PAX2: variants seen among roughly 807,000 people sequenced by gnomAD.
The protein encoded by PAX2 is paired box 2, also known as paired box protein Pax-2.
Under a neutral mutation model 41.7 loss-of-function variants are expected in PAX2, and 9 were observed. The ratio of observed to expected loss-of-function variants is 0.22; its 90% CI spans 0.13 to 0.38. The LOEUF (loss-of-function observed/expected upper bound fraction) is 0.38. Ranked by LOEUF, PAX2 falls within the 10% of genes least tolerant of loss-of-function variation. The pLI is 1.00. For synonymous variants in PAX2, 221 were observed against 212.7 expected (o/e 1.04, Z -0.34); for missense variants, 418 against 531.6 (o/e 0.79, Z 2.10).
In PAX2 at chr10:100,748,154, G is replaced by C. The variant is rs1361131377; in HGVS notation, c.44-1592G>C. 4.1e-6 allele frequency: 4 copies of C among 984,986 alleles called. No homozygotes were observed. The highest frequency in any genetic ancestry group is 4.8e-6 in the Non-Finnish European group (4 of 829,808). The allele number at this position is 984,986 out of a possible 1,614,324, so 61.0% of individuals were successfully genotyped here. ...CCTTCCCATCCCCACCCCTTAGACT[G>C]GGGCTGAGGGGCCGGGCCCTGAGCC... On this transcript the variant is annotated intron_variant, in intron 1 of 9. Coordinates refer to ENST00000355243, the MANE Select transcript of PAX2 (RefSeq NM_000278.5). This position sits in a 1 kb window ranked among gnomAD's most constrained non-coding sequence, Gnocchi z 5.0.
At chr10:100,760,071 A>C (rs1459461301) in intron 3 of PAX2, among the ~76,000 whole-genome samples, 1 of 152,124 alleles carries the variant, frequency 6.6e-6, no homozygotes, top group Non-Finnish European at 1.5e-5. Context: ...TGCCTGCCTT[A>C]GTGCGTTTTC....
In PAX2 at chr10:100,815,935, T is replaced by A. The variant is rs564436263; in HGVS notation, c.919+6699T>A. Among the ~76,000 whole-genome samples the A allele has an allele frequency of 2.9e-4, 44 of 152,072 alleles. 1 individual carries two copies. The South Asian group carries it at 7.9e-3, about 27-fold the overall frequency. ...AGAGGGAGGAGCATCGTAGGGAGGG[T>A]GACAAAGGTAGGAAGGGTTTGGGGT... On this transcript the variant is annotated intron_variant, in intron 7 of 9. Transcript: ENST00000355243.
At chr10:100,796,125 A>G (rs527354158) in intron 5 of PAX2, among the ~76,000 whole-genome samples, 2 of 152,328 alleles carry the variant, frequency 1.3e-5, no homozygotes, top group East Asian at 3.9e-4. Context: ...AGTGACTTCT[A>G]TGATCCTAAG....
intron 6 of PAX2, among the ~76,000 whole-genome samples, chr10:100,808,527 C>T (rs1352358717): frequency 6.6e-6 from 1 of 152,118 alleles, no homozygotes; most frequent in Non-Finnish European, 1.5e-5. Context: ...GGCAGGACAC[C>T]CTTTCAGAGT....
rs537996569 is a variant in PAX2, at chr10:100,749,666, C to T, written c.44-80C>T. 26 of 1,546,808 alleles carry T rather than the reference C, an allele frequency of 1.7e-5. No homozygotes were observed. The East Asian group carries it at 5.3e-4, about 31-fold the overall frequency. On this transcript the variant is annotated intron_variant, in intron 1 of 9. Transcript: ENST00000355243. ...TTCCGCCCTGCCTGCTTCCTTCGCC[C>T]GTCCCGGGCCGCGGACCCTGACTAA...
chr10:100,812,827 T>A (rs1848044146), intron 7 of PAX2, among the ~76,000 whole-genome samples: 2 of 152,118 alleles, frequency 1.3e-5, no homozygotes, highest in Admixed American at 1.3e-4. Flanking sequence ...AGAGAGTCCC[T>A]TGACACAGTG....
At chr10:100,793,278 T>C (rs1371345005) in intron 5 of PAX2, among the ~76,000 whole-genome samples, 1 of 152,200 alleles carries the variant, frequency 6.6e-6, no homozygotes, top group Admixed American at 6.5e-5. Flanking sequence ...CAGGACTGCA[T>C]ACCAGTGCTC....
chr10:100,737,244 C>T (rs1440814147), intron 1 of PAX2, among the ~76,000 whole-genome samples: 1 of 152,246 alleles, frequency 6.6e-6, no homozygotes, highest in Non-Finnish European at 1.5e-5. Flanking sequence ...GGCCCCCTCC[C>T]CAGGACCTCG....
intron 5 of PAX2, among the ~76,000 whole-genome samples, chr10:100,793,156 G>C (rs1008955965): frequency 6.6e-6 from 1 of 152,230 alleles, no homozygotes; most frequent in Admixed American, 6.5e-5. Context: ...GCACCAGGCA[G>C]AGGGCCCCAC....
At chr10:100,775,023 G>A (rs1846336523) in intron 3 of PAX2, among the ~76,000 whole-genome samples, 1 of 152,224 alleles carries the variant, frequency 6.6e-6, no homozygotes, top group South Asian at 2.1e-4. Context: ...AAAGAGAAGT[G>A]GGGAGCAGGC....
chr10:100,776,448 G>A (rs906464550), intron 3 of PAX2, among the ~76,000 whole-genome samples: 2 of 152,154 alleles, frequency 1.3e-5, no homozygotes, highest in African/African-American at 4.8e-5. Flanking sequence ...ACTGACTTAG[G>A]TGAAACTGAC....
chr10:100,756,083 T>C (rs1845615340), intron 3 of PAX2, among the ~76,000 whole-genome samples: 1 of 152,192 alleles, frequency 6.6e-6, no homozygotes, highest in African/African-American at 2.4e-5. Flanking sequence ...AGTGTGACTA[T>C]GCATGATGGC....
intron 7 of PAX2, among the ~76,000 whole-genome samples, chr10:100,811,007 G>A (rs1311270594): frequency 6.6e-6 from 1 of 152,170 alleles, no homozygotes. Context: ...ATCTGTATGC[G>A]ACATTTCAAT....
intron 5 of PAX2, among the ~76,000 whole-genome samples, chr10:100,800,273 C>CTTTTT (rs59487758): frequency 1.3e-4 from 14 of 108,400 alleles, no homozygotes; most frequent in Admixed American, 1.9e-4. Context: ...TCTTTTCTTT[C>CTTTTT]TTTTTTTTTT....
At position 100,747,902 on chromosome 10, in the gene PAX2, G is replaced by T. The variant is rs112148079; in HGVS notation, c.43+1599G>T. On this transcript the variant is annotated intron_variant, in intron 1 of 9. Transcript: ENST00000355243. The stretch of plus-strand genomic sequence containing the variant: ...TCTCCTTTTTTGCGGATTCCGCCGG[G>T]GGTCCGCCGAGTCCTGGCTGCCCGC... The T allele has an allele frequency of 7.1e-6, 7 of 983,868 alleles. No homozygotes were observed. In the African/African-American group the frequency reaches 1.2e-4, roughly 17 times the overall value. The allele number at this position is 983,868 out of a possible 1,614,324, so 60.9% of individuals were successfully genotyped here. A position where few individuals can be genotyped will look rare whatever the true frequency, so the allele number is the denominator to read the frequency against.
intron 7 of PAX2, among the ~76,000 whole-genome samples, chr10:100,816,523 G>T (rs1214477420): frequency 1.3e-5 from 2 of 152,248 alleles, no homozygotes; most frequent in East Asian, 3.9e-4. Context: ...GGTATGTATT[G>T]GTACCAAGGG....
intron 5 of PAX2, among the ~76,000 whole-genome samples, chr10:100,789,354 C>T (rs1847008524): frequency 6.6e-6 from 1 of 152,334 alleles, no homozygotes; most frequent in Admixed American, 6.5e-5. Context: ...GATCCACCCA[C>T]CTCAGCCTCC....
chr10:100,806,876 C>T lies in PAX2; in HGVS notation c.792+271C>T, dbSNP rs559467837. On this transcript the variant is annotated intron_variant, in intron 6 of 9. Coordinates refer to ENST00000355243, the MANE Select transcript of PAX2 (RefSeq NM_000278.5). ...CATCTCTGTTCAGAGCCTCGGTTTCCCCATCTATAGAATGAAGGGCTTGGA... is the reference window on the plus strand; with the variant it reads ...CATCTCTGTTCAGAGCCTCGGTTTCTCCATCTATAGAATGAAGGGCTTGGA... 1.3e-3 allele frequency among the ~76,000 whole-genome samples: 198 copies of T among 152,222 alleles called. 1 individual carries two copies. The highest frequency in any genetic ancestry group is 4.6e-3 in the African/African-American group (193 of 41,516).
At chr10:100,737,453 T>C (rs375194933) in intron 1 of PAX2, among the ~76,000 whole-genome samples, 44 of 152,246 alleles carry the variant, frequency 2.9e-4, no homozygotes, top group African/African-American at 9.4e-4. Context: ...GCGGCCCGAC[T>C]CCGCACCGCA....
Sources: allele counts gnomAD v4.1 joint callset (sites outside exome capture counted in the v4.1 genomes callset), GRCh38; gene constraint gnomAD v4.1.1; non-coding constraint Gnocchi (gnomAD v3.1); transcripts MANE v1.5; gene names NCBI Gene and HGNC (gene_info 2026-07-23, HGNC 2026-07-21).